The following HSPG2 variants were observed in gnomAD, a reference collection of about 807,000 sequenced individuals.
The protein encoded by HSPG2 is basement membrane-specific heparan sulfate proteoglycan core protein.
A neutral mutation model predicts 526.6 loss-of-function variants in HSPG2; 278 were observed. That is an observed-to-expected ratio of 0.53 (90% CI 0.48 to 0.58). HSPG2 has a LOEUF of 0.58. HSPG2 is among the 20% of genes least tolerant of loss of function. The pLI, the probability that HSPG2 is intolerant of heterozygous loss-of-function variation, is 0.00. For missense variants in HSPG2, 5,354 were observed against 6,099.5 expected (o/e 0.88, Z 4.07); for synonymous variants, 2,465 against 2,555.4 (o/e 0.96, Z 1.07).
intron 91 of HSPG2, among the ~76,000 whole-genome samples, chr1:21,827,505 ACT>A (rs2097981574): frequency 6.6e-6 from 1 of 152,196 alleles, no homozygotes; most frequent in African/African-American, 2.4e-5. Flanking sequence ...TTCACTCTTC[ACT>A]GTTTCCTTAG....
chr1:21,866,897 A>G (rs1309893880), intron 33 of HSPG2, among the ~76,000 whole-genome samples: 2 of 152,148 alleles, frequency 1.3e-5, no homozygotes, highest in Non-Finnish European at 1.5e-5. Flanking sequence ...GATATTCTCC[A>G]TGAGCTCAAG....
At chr1:21,860,873 T>G (rs935493090) in intron 39 of HSPG2, among the ~76,000 whole-genome samples, 13 of 152,240 alleles carry the variant, frequency 8.5e-5, no homozygotes, top group African/African-American at 3.1e-4. Context: ...GTCCCTGGTC[T>G]GTGGGACTTA....
In HSPG2 at chr1:21,833,354, G is replaced by A; in HGVS notation, c.11009C>T (p.Pro3670Leu). 1 of 1,614,144 alleles carries A rather than the reference G, an allele frequency of 6.2e-7. No homozygotes were observed. Among genetic ancestry groups the A allele is most frequent in the Non-Finnish European group, 8.5e-7 (1 of 1,179,998 alleles). Reference protein sequence around the residue: ...ERVVPYFTQTPYSFLPLPTIK... With the variant: ...ERVVPYFTQTLYSFLPLPTIK... ...GGTGGGCAGCGGTAGGAAGGAGTAG[G>A]GGGTCTGCGTGAAGTAGGGCACCAC... Residue 3670 changes from proline (P) to leucine (L), a missense_variant, in exon 80 of 97, where the codon CCC becomes CTC. By Grantham distance (98) the Pro-to-Leu change is moderately conservative. Coordinates refer to ENST00000374695, the MANE Select transcript of HSPG2 (RefSeq NM_005529.7).
chr1:21,869,935 G>A (rs748344150), intron 33 of HSPG2, among the ~76,000 whole-genome samples: 2 of 152,246 alleles, frequency 1.3e-5, no homozygotes, highest in Non-Finnish European at 2.9e-5. Context: ...AGGGGCAGAA[G>A]TGCTGGAGGC....
Position 21,848,245 on chromosome 1 carries a change from G to A in HSPG2, c.7738-152C>T, listed in dbSNP as rs1638607026. ...AAGCTCCCAGCATGGCATGTGGCCT[G>A]TCTCTGGGCTGGGGTGGACGTCTAG... On this transcript the variant is annotated intron_variant, in intron 59 of 96. Coordinates refer to ENST00000374695, the MANE Select transcript of HSPG2 (RefSeq NM_005529.7). The surrounding 1 kb of genome is among the most constrained non-coding windows in gnomAD (Gnocchi z 4.9). The A allele has an allele frequency of 2.1e-6, 2 of 960,254 alleles. No individual in the cohort carries two copies. The highest frequency in any genetic ancestry group is 3.2e-6 in the Non-Finnish European group (2 of 628,682). 59.5% of individuals were successfully genotyped at this position (960,254 alleles called of 1,614,324 possible). A position where few individuals can be genotyped will look rare whatever the true frequency, so the allele number is the denominator to read the frequency against.
chr1:21,917,988 A>T (rs1643928891), intron 1 of HSPG2, among the ~76,000 whole-genome samples: 1 of 152,014 alleles, frequency 6.6e-6, no homozygotes, highest in Non-Finnish European at 1.5e-5. Context: ...CAACCTTTAG[A>T]TACTTCCTAA....
Position 21,824,411 on chromosome 1 carries a change from G to T in HSPG2, c.12745-35C>A. 2 of 1,611,606 alleles carry T rather than the reference G, an allele frequency of 1.2e-6. No individual in the cohort carries two copies. Among genetic ancestry groups the T allele is most frequent in the Non-Finnish European group, 1.7e-6 (2 of 1,178,294 alleles). ...AAGCACAGGGTCTCTGGGGTCCCCA[G>T]CCTGGAGAGCAGAGGCTGCCGAGGC... On this transcript the variant is annotated intron_variant, in intron 93 of 96. Coordinates refer to ENST00000374695, the MANE Select transcript of HSPG2 (RefSeq NM_005529.7). The surrounding 1 kb of genome is among the most constrained non-coding windows in gnomAD (Gnocchi z 5.9).
At position 21,839,138 on chromosome 1, in the gene HSPG2, C is replaced by T. The variant is rs2098038709; in HGVS notation, c.9890-53G>A. 6.5e-7 allele frequency: 1 copy of T among 1,547,832 alleles called. No homozygotes were observed. The highest frequency in any genetic ancestry group is 1.4e-5 in the African/African-American group (1 of 73,356). ...TTGGGGAGGGCAAAGGTCAGAATGG[C>T]AGCAGGTCGTTGGATCCAGTGTCCA... On this transcript the variant is annotated intron_variant, in intron 73 of 96. Coordinates refer to ENST00000374695, the MANE Select transcript of HSPG2 (RefSeq NM_005529.7). The surrounding 1 kb of genome is among the most constrained non-coding windows in gnomAD (Gnocchi z 4.5).
At chr1:21,884,370 C>T (rs1354829423) in intron 13 of HSPG2, among the ~76,000 whole-genome samples, 158 bp downstream of exon 13, 4 of 152,112 alleles carry the variant, frequency 2.6e-5, no homozygotes, top group Non-Finnish European at 5.9e-5. Flanking sequence ...TTGGTTTTCC[C>T]CCCGAAATGC....
rs1572215783 is a variant in HSPG2, at chr1:21,848,972, C to T, written c.7506G>A (p.Val2502=). Residue 2502 remains valine (V), a synonymous_variant, in exon 58 of 97, where the codon GTG becomes GTA. Coordinates refer to ENST00000374695, the MANE Select transcript of HSPG2 (RefSeq NM_005529.7). The surrounding 1 kb of genome is among the most constrained non-coding windows in gnomAD (Gnocchi z 4.9). ...TACCTGAGCTGCCGACCACACGGCA[C>T]ACGTACTCCCCTGAATCAGCTGGGG... is the stretch of plus-strand genomic sequence containing the variant. ...QVTPADSGEY[V]CRVVGSSGTQ... 1.2e-6 allele frequency: 2 copies of T among 1,614,046 alleles called. No homozygotes were observed. Among genetic ancestry groups the T allele is most frequent in the Non-Finnish European group, 1.7e-6 (2 of 1,180,008 alleles).
intron 33 of HSPG2, chr1:21,869,565 A>C: frequency 1.0e-6 from 1 of 986,672 alleles, no homozygotes; most frequent in South Asian, 4.7e-5. Context: ...CAGGCTGGGG[A>C]TGAGGAGAGA....
At position 21,851,901 on chromosome 1, in the gene HSPG2, A is replaced by G. The variant is rs1460854318; in HGVS notation, c.6896T>C (p.Phe2299Ser). The change falls in exon 54 of 97, where the codon TTC becomes TCC. Residue 2299 changes from phenylalanine to serine, a missense_variant. Phe to Ser is a radical substitution (Grantham distance 155). Coordinates refer to ENST00000374695, the MANE Select transcript of HSPG2 (RefSeq NM_005529.7). ...HQVRGSRLYIFQASPADAGQY... is the reference protein window; with the variant it reads ...HQVRGSRLYISQASPADAGQY... ...TCCCGCATCGGCAGGTGAGGCCTGG[A>G]AGATGTACAGGCGGGAGCCACGAAC... 1 of 1,610,112 alleles carries G rather than the reference A, an allele frequency of 6.2e-7. No individual in the cohort carries two copies. Among genetic ancestry groups the G allele is most frequent in the East Asian group, 2.2e-5 (1 of 44,742 alleles).
chr1:21,896,547 C>T (rs1485865171), intron 1 of HSPG2, among the ~76,000 whole-genome samples: 1 of 152,186 alleles, frequency 6.6e-6, no homozygotes, highest in Admixed American at 6.5e-5. Context: ...CGAATGAATC[C>T]TCAAATAAAG....
chr1:21,826,937 G>C (rs559270069), intron 91 of HSPG2, among the ~76,000 whole-genome samples: 1 of 152,078 alleles, frequency 6.6e-6, no homozygotes, highest in Non-Finnish European at 1.5e-5. Flanking sequence ...ACTTTAGGAC[G>C]GTGGCTTACG....
chr1:21,922,448 G>C (rs926511719), intron 1 of HSPG2, among the ~76,000 whole-genome samples: 1 of 152,180 alleles, frequency 6.6e-6, no homozygotes, highest in Non-Finnish European at 1.5e-5. Flanking sequence ...GGGTCCTCCT[G>C]GTCTTTCTAA....
At chr1:21,911,300 C>A (rs1643671756) in intron 1 of HSPG2, among the ~76,000 whole-genome samples, 1 of 152,180 alleles carries the variant, frequency 6.6e-6, no homozygotes, top group Non-Finnish European at 1.5e-5. Context: ...GGCCCCAGAA[C>A]AAAGCTCCAC....
chr1:21,916,691 C>CA (rs11401856), intron 1 of HSPG2, among the ~76,000 whole-genome samples: 89,726 of 135,006 alleles, frequency 0.66, 32,600 homozygotes, highest in Non-Finnish European at 0.83. Flanking sequence ...GACTCCATCT[C>CA]AAAAAAAAAA....
At chr1:21,870,749 C>T (rs376087276) in intron 33 of HSPG2, 3 of 789,550 alleles carry the variant, frequency 3.8e-6, no homozygotes, top group South Asian at 5.7e-5. Context: ...GGGCACTGCG[C>T]ATCTCCCCAC....
rs1371767046 is a variant in HSPG2 at position 21,895,252 on chromosome 1, G to C, written c.244+670C>G. On this transcript the variant is annotated intron_variant, in intron 3 of 96. Transcript: ENST00000374695. This position sits in a 1 kb window ranked among gnomAD's most constrained non-coding sequence, Gnocchi z 4.1. ...GAACCATAAAGAGCCACAGGGCCTT[G>C]TCCTGGGGTAGGTCCTTCTCCACCC... is the stretch of plus-strand genomic sequence containing the variant. 6.6e-6 allele frequency among the ~76,000 whole-genome samples: 1 copy of C among 152,164 alleles called. No individual in the cohort carries two copies. Among genetic ancestry groups the C allele is most frequent in the African/African-American group, 2.4e-5 (1 of 41,436 alleles).
Sources: gnomAD v4.1 joint callset for allele counts (sites outside exome capture counted in the v4.1 genomes callset) on GRCh38, gnomAD v4.1.1 for gene constraint, Gnocchi (gnomAD v3.1) non-coding constraint, MANE v1.5 for transcripts, NCBI Gene and HGNC (gene_info 2026-07-23, HGNC 2026-07-21) for gene names.